ATP11B: variants seen among roughly 807,000 people sequenced by gnomAD.
The protein encoded by ATP11B is phospholipid-transporting ATPase IF.
ATP11B carries 81 observed loss-of-function variants against 157.8 expected under a neutral mutation model. That is an observed-to-expected ratio of 0.51 (90% CI 0.43 to 0.62). ATP11B has a LOEUF of 0.62. Ranked by LOEUF, ATP11B falls within the 20% of genes least tolerant of loss-of-function variation. The probability of loss-of-function intolerance (pLI) is 0.00; values close to 1 mark genes in which losing one functional copy is unlikely to be tolerated. For missense variants in ATP11B, 1,165 were observed against 1,402.2 expected (o/e 0.83, Z 2.70); for synonymous variants, 451 against 469.4 (o/e 0.96, Z 0.51).
In ATP11B at chr3:182,807,032, G is replaced by A. The variant is rs750628920; in HGVS notation, c.28-13228G>A. Among the ~76,000 whole-genome samples the A allele has an allele frequency of 6.4e-4, 57 of 88,396 alleles. 1 individual carries two copies. The highest frequency in any genetic ancestry group is 5.2e-3 in the Middle Eastern group (1 of 194). The allele number at this position is 88,396 out of a possible 152,430, so 58.0% of individuals were successfully genotyped here. ...ATTATCTTATGTTAAGCTTGGCTAA[G>A]TATTAATTTAAAAAAAAAAAAGACT... On this transcript the variant is annotated intron_variant, in intron 1 of 29. Coordinates refer to ENST00000323116, the MANE Select transcript of ATP11B (RefSeq NM_014616.3).
intron 10 of ATP11B, among the ~76,000 whole-genome samples, chr3:182,850,902 A>G (rs1392762263): frequency 6.6e-6 from 1 of 152,234 alleles, no homozygotes; most frequent in Non-Finnish European, 1.5e-5. Context: ...ATACATACCC[A>G]CACAATGGAA....
In ATP11B at chr3:182,836,363, G is replaced by C. The variant is rs1718553984; in HGVS notation, c.445G>C (p.Ala149Pro). The part of the protein sequence containing the change: ...NIRVGDIVRI[A>P]KDEIFPADLV... ...ATAGGTGGGTGATATTGTTCGAATA[G>C]CCAAAGATGAAATTTTTCCTGCAGA... Residue 149 changes from alanine to proline, a missense_variant, in exon 6 of 30, where the codon GCC (alanine) becomes CCC (proline). This residue lies in a region of ATP11B where 737 missense variants were observed against 930.5 expected (regional missense o/e 0.79). Coordinates refer to ENST00000323116, the MANE Select transcript of ATP11B (RefSeq NM_014616.3). The C allele has an allele frequency of 6.2e-7, 1 of 1,613,652 alleles. No homozygotes were observed. Among genetic ancestry groups the C allele is most frequent in the African/African-American group, 1.3e-5 (1 of 74,892 alleles).
intron 28 of ATP11B, among the ~76,000 whole-genome samples, chr3:182,902,003 A>T (rs1038250972): frequency 3.3e-5 from 5 of 151,980 alleles, no homozygotes; most frequent in Non-Finnish European, 5.9e-5. Flanking sequence ...CTACTCAGGG[A>T]TCTTCTAGCC....
intron 19 of ATP11B, among the ~76,000 whole-genome samples, chr3:182,875,805 CAATT>C (rs768199404): frequency 6.6e-6 from 1 of 152,092 alleles, no homozygotes; most frequent in Non-Finnish European, 1.5e-5. Context: ...TGCAAAAAGA[CAATT>C]AATTTAGGTA....
chr3:182,871,368 A>G (rs761542624), intron 17 of ATP11B, among the ~76,000 whole-genome samples: 10 of 152,240 alleles, frequency 6.6e-5, no homozygotes, highest in Non-Finnish European at 1.3e-4. Context: ...AGGAACTTTT[A>G]TAAGTCTTTA....
chr3:182,908,932 C>A (rs1033067585), intron 28 of ATP11B, among the ~76,000 whole-genome samples: 2 of 152,110 alleles, frequency 1.3e-5, no homozygotes, highest in Admixed American at 1.3e-4. Flanking sequence ...TCCTTGAAGG[C>A]CATGCAAGGT....
At chr3:182,914,410 G>C in intron 29 of ATP11B, 1 of 985,554 alleles carries the variant, frequency 1.0e-6, no homozygotes, top group Non-Finnish European at 1.2e-6. Flanking sequence ...TGAAGTCAAA[G>C]GCTTTCCTTT....
intron 18 of ATP11B, 59 bp downstream of exon 18, chr3:182,872,596 G>A: frequency 7.4e-7 from 1 of 1,357,684 alleles, no homozygotes; most frequent in East Asian, 2.4e-5. Flanking sequence ...TTGTAACCAA[G>A]TATTCTAATA....
chr3:182,852,186 A>G (rs1019185504), intron 10 of ATP11B, among the ~76,000 whole-genome samples: 1 of 152,226 alleles, frequency 6.6e-6, no homozygotes, highest in Non-Finnish European at 1.5e-5. Context: ...TCAAAGGAGA[A>G]ATCACAAAGG....
At position 182,793,507 on chromosome 3, in the gene ATP11B, A is replaced by G. The variant is rs1285333642; in HGVS notation, c.-253A>G. On this transcript the variant is annotated 5_prime_UTR_variant, in exon 1 of 30. It adds an upstream start codon to the 5' untranslated region. Coordinates refer to ENST00000323116, the MANE Select transcript of ATP11B (RefSeq NM_014616.3). ...GGTGCTTTGGGTGACAACGGTCAAT[A>G]ATGAAGGTGGCTGCGGCGCGGCGGC... 2 of 338,588 alleles carry G rather than the reference A, an allele frequency of 5.9e-6. No individual in the cohort carries two copies. The highest frequency in any genetic ancestry group is 1.1e-5 in the Non-Finnish European group (2 of 189,236). 21.0% of individuals were successfully genotyped at this position (338,588 alleles called of 1,614,324 possible).
At chr3:182,838,703 T>G (rs1234003100) in intron 7 of ATP11B, among the ~76,000 whole-genome samples, 1 of 151,854 alleles carries the variant, frequency 6.6e-6, no homozygotes, top group Non-Finnish European at 1.5e-5. Flanking sequence ...CTTGAGGAAC[T>G]CATAGAAGTT....
In ATP11B at chr3:182,920,274, A is replaced by G. The variant is rs1725384853; in HGVS notation, c.*2170A>G. Reference sequence around the variant, plus strand: ...AGGAGAACTTTATTTTTTTAAAAAAAGTAAATGGCAACCACTAGTGTGCTC... The same window carrying G: ...AGGAGAACTTTATTTTTTTAAAAAAGGTAAATGGCAACCACTAGTGTGCTC... On this transcript the variant is annotated 3_prime_UTR_variant, in exon 30 of 30. Transcript: ENST00000323116. The G allele has an allele frequency of 2.0e-5, 3 of 152,218 alleles. No homozygotes were observed. The South Asian group carries it at 6.2e-4, about 31-fold the overall frequency. 9.4% of individuals were successfully genotyped at this position (152,218 alleles called of 1,614,324 possible). A position where few individuals can be genotyped will look rare whatever the true frequency, so the allele number is the denominator to read the frequency against.
chr3:182,897,332 G>T lies in ATP11B; in HGVS notation c.3078G>T (p.Trp1026Cys). 6.3e-7 allele frequency: 1 copy of T among 1,581,398 alleles called. No homozygotes were observed. The highest frequency in any genetic ancestry group is 8.5e-7 in the Non-Finnish European group (1 of 1,170,014). Residue 1026 changes from tryptophan (W) to cysteine (C), a missense_variant, in exon 27 of 30, where the codon TGG (tryptophan) becomes TGT (cysteine). Physicochemically the swap from Trp to Cys is radical, Grantham distance 215 (BLOSUM62 -2). This residue lies in a region of ATP11B where 303 missense variants were observed against 296.3 expected (regional missense o/e 1.02). Coordinates refer to ENST00000323116, the MANE Select transcript of ATP11B (RefSeq NM_014616.3). ...KMALETHFWT[W>C]INHLVTWGSI... ...CTCTGGAAACTCATTTTTGGACTTG[G>T]ATCAACCATCTCGTTACCTGGGGAT...
rs150499518 is a variant in ATP11B at position 182,862,615 on chromosome 3, C to T, written c.1201-2841C>T. ...TCCTGATAGCTTGTATTTTCAGCCTCATCCTGTACTCCCACATTCAGGGGT... is the reference window on the plus strand; with the variant it reads ...TCCTGATAGCTTGTATTTTCAGCCTTATCCTGTACTCCCACATTCAGGGGT... On this transcript the variant is annotated intron_variant, in intron 12 of 29. Transcript: ENST00000323116. 2.2e-4 allele frequency among the ~76,000 whole-genome samples: 33 copies of T among 152,258 alleles called. No homozygotes were observed. The East Asian group carries it at 6.4e-3, about 29-fold the overall frequency.
intron 1 of ATP11B, among the ~76,000 whole-genome samples, chr3:182,812,622 A>G (rs1221089920): frequency 2.6e-5 from 4 of 152,218 alleles, no homozygotes; most frequent in East Asian, 1.9e-4. Flanking sequence ...GATATTTACT[A>G]TCATGGTTGA....
chr3:182,881,074 C>G (rs935088105), intron 21 of ATP11B, 93 bp downstream of exon 21: 38 of 929,688 alleles, frequency 4.1e-5, no homozygotes, highest in Non-Finnish European at 5.6e-5. Flanking sequence ...GATTAAAGTA[C>G]AGTATCAAAT....
chr3:182,868,254 C>T (rs763788231), intron 15 of ATP11B, among the ~76,000 whole-genome samples: 6 of 150,828 alleles, frequency 4.0e-5, no homozygotes, highest in South Asian at 4.2e-4. Flanking sequence ...TAAATTAGTT[C>T]ATGCTTAATA....
Position 182,918,541 on chromosome 3 carries a change from A to C in ATP11B, c.*437A>C, listed in dbSNP as rs1233402747. 2.5e-6 allele frequency: 1 copy of C among 394,182 alleles called. No homozygotes were observed. The highest frequency in any genetic ancestry group is 2.1e-5 in the African/African-American group (1 of 48,434). The allele number at this position is 394,182 out of a possible 1,614,324, so 24.4% of individuals were successfully genotyped here. On this transcript the variant is annotated 3_prime_UTR_variant, in exon 30 of 30. Coordinates refer to ENST00000323116, the MANE Select transcript of ATP11B (RefSeq NM_014616.3). ...GCTGAAAGTTTGCCTTGAGAACTCTATTTTTTTATTAGAGTTATATTTAAA... is the reference window on the plus strand; with the variant it reads ...GCTGAAAGTTTGCCTTGAGAACTCTCTTTTTTTATTAGAGTTATATTTAAA...
At chr3:182,814,204 C>G (rs1035106729) in intron 1 of ATP11B, among the ~76,000 whole-genome samples, 3 of 152,044 alleles carry the variant, frequency 2.0e-5, no homozygotes, top group African/African-American at 7.2e-5. Flanking sequence ...GGTGGGATTA[C>G]AGGCACGCAC....
Sources: allele counts gnomAD v4.1 joint callset (sites outside exome capture counted in the v4.1 genomes callset), GRCh38; gene constraint gnomAD v4.1.1; regional missense constraint gnomAD v4.1.1; transcripts MANE v1.5; gene names NCBI Gene and HGNC (gene_info 2026-07-23, HGNC 2026-07-21).